Variants in PPP3CA observed in about 807,000 individuals in gnomAD.
PPP3CA encodes CAM-PRP catalytic subunit.
Under a neutral mutation model 66.5 loss-of-function variants are expected in PPP3CA, and 14 were observed. That is an observed-to-expected ratio of 0.21 (90% CI 0.14 to 0.33). PPP3CA has a LOEUF of 0.33. PPP3CA is among the 10% of genes least tolerant of loss of function. The pLI, the probability that PPP3CA is intolerant of heterozygous loss-of-function variation, is 1.00. For missense variants in PPP3CA, 317 were observed against 639.5 expected, an observed-to-expected ratio of 0.50 and a Z score of 5.44; for synonymous variants, 232 against 226.2, an observed-to-expected ratio of 1.03 and a Z score of -0.23.
At chr4:101,330,424 A>G (rs1380706563) in intron 1 of PPP3CA, 2 of 533,720 alleles carry the variant, frequency 3.7e-6, no homozygotes, top group Admixed American at 3.9e-5. Context: ...TACTACATAC[A>G]TTTAGCTGAT....
At chr4:101,081,375 C>A (rs1729432126) in intron 7 of PPP3CA, among the ~76,000 whole-genome samples, 1 of 152,066 alleles carries the variant, frequency 6.6e-6, no homozygotes. Context: ...AATATTTAAT[C>A]AATCAGTAAT....
intron 1 of PPP3CA, among the ~76,000 whole-genome samples, chr4:101,210,715 A>C (rs1015664126): frequency 6.6e-6 from 1 of 152,176 alleles, no homozygotes; most frequent in African/African-American, 2.4e-5. Flanking sequence ...GATTACCAAA[A>C]TACAGCATTC....
At chr4:101,288,066 T>C (rs1276606752) in intron 1 of PPP3CA, among the ~76,000 whole-genome samples, 3 of 152,034 alleles carry the variant, frequency 2.0e-5, no homozygotes, top group East Asian at 1.9e-4. Context: ...GAATCTGATA[T>C]AAAAATAGGA....
At chr4:101,279,396 A>G (rs1727610629) in intron 1 of PPP3CA, among the ~76,000 whole-genome samples, 1 of 152,158 alleles carries the variant, frequency 6.6e-6, no homozygotes, top group Admixed American at 6.5e-5. Flanking sequence ...GAGGTCCTAG[A>G]GAGTTAGAAG....
chr4:101,217,148 G>A (rs938083234), intron 1 of PPP3CA, among the ~76,000 whole-genome samples: 2 of 152,118 alleles, frequency 1.3e-5, no homozygotes, highest in African/African-American at 4.8e-5. Flanking sequence ...GACATTGTCT[G>A]TGGATTTCAT....
At chr4:101,079,434 A>C (rs1433859973) in intron 8 of PPP3CA, among the ~76,000 whole-genome samples, 1 of 148,496 alleles carries the variant, frequency 6.7e-6, no homozygotes, top group East Asian at 2.0e-4. Flanking sequence ...GCTGGAGTAC[A>C]GTGGTGCGAG....
chr4:101,321,457 C>T (rs769282143), intron 1 of PPP3CA, among the ~76,000 whole-genome samples: 5 of 152,192 alleles, frequency 3.3e-5, no homozygotes, highest in Non-Finnish European at 7.3e-5. Flanking sequence ...AATCCTTGCC[C>T]TCAAGGCTTA....
At chr4:101,342,288 G>A (rs1729842308) in intron 1 of PPP3CA, among the ~76,000 whole-genome samples, 2 of 152,090 alleles carry the variant, frequency 1.3e-5, no homozygotes, top group African/African-American at 2.4e-5. Flanking sequence ...TCTTCAAAAT[G>A]TTGATTATTC....
chr4:101,303,633 A>C (rs897020981), intron 1 of PPP3CA, among the ~76,000 whole-genome samples: 1 of 152,202 alleles, frequency 6.6e-6, no homozygotes, highest in Non-Finnish European at 1.5e-5. Context: ...TTATATTCAC[A>C]ATGTACAGGT....
At chr4:101,227,455 G>A (rs1725819085) in intron 1 of PPP3CA, among the ~76,000 whole-genome samples, 1 of 151,796 alleles carries the variant, frequency 6.6e-6, no homozygotes, top group Non-Finnish European at 1.5e-5. Flanking sequence ...CTGGCACATA[G>A]AAGGCCATTC....
At chr4:101,197,374 G>C (rs1232418939) in intron 1 of PPP3CA, among the ~76,000 whole-genome samples, 1 of 152,214 alleles carries the variant, frequency 6.6e-6, no homozygotes, top group Non-Finnish European at 1.5e-5. Flanking sequence ...ATGCAAGCAT[G>C]ATTTTCTGGA....
intron 10 of PPP3CA, among the ~76,000 whole-genome samples, chr4:101,041,968 G>T (rs1183571158): frequency 6.6e-6 from 1 of 152,056 alleles, no homozygotes; most frequent in Non-Finnish European, 1.5e-5. Flanking sequence ...ATGTGTTTTG[G>T]TCTTTTATTA....
intron 1 of PPP3CA, among the ~76,000 whole-genome samples, chr4:101,267,462 A>C (rs910512523): frequency 1.3e-5 from 2 of 152,180 alleles, no homozygotes; most frequent in Non-Finnish European, 2.9e-5. Context: ...GTGAAAGACA[A>C]CCAAGTAATC....
At chr4:101,099,112 T>C (rs538774154) in intron 4 of PPP3CA, among the ~76,000 whole-genome samples, 4 of 152,250 alleles carry the variant, frequency 2.6e-5, no homozygotes, top group East Asian at 1.9e-4. Flanking sequence ...TTTGTAAGAT[T>C]CAGTGAATAA....
intron 1 of PPP3CA, among the ~76,000 whole-genome samples, chr4:101,346,183 CAGGGGGAGGGGG>C (rs1254116194): frequency 1.3e-5 from 2 of 151,834 alleles, no homozygotes; most frequent in Admixed American, 6.5e-5. Context: ...CAGGCCCTTC[CAGGGGGAGGGGG>C]AGGGGGAGGG....
chr4:101,109,037 G>C lies in PPP3CA; in HGVS notation c.301C>G (p.Leu101Val). The C allele has an allele frequency of 6.2e-7, 1 of 1,613,330 alleles. No homozygotes were observed. The highest frequency in any genetic ancestry group is 8.5e-7 in the Non-Finnish European group (1 of 1,179,482). ...IHGQFFDLMK[L>V]FEVGGSPANT... is the part of the protein sequence containing the mutation. Reference sequence around the variant, plus strand: ...GCAGGAGATCCCCCGACTTCAAAGAGCTTCATCAAATCAAAGAATTGTCCA... The same window carrying C: ...GCAGGAGATCCCCCGACTTCAAAGACCTTCATCAAATCAAAGAATTGTCCA... Residue 101 changes from leucine to valine, a missense_variant, in exon 3 of 14, where the codon CTC (leucine) becomes GTC (valine). Around this residue, in one of 3 missense-constraint regions of PPP3CA, gnomAD observed 201 missense variants for 501.4 expected, o/e 0.40. Coordinates refer to ENST00000394854, the MANE Select transcript of PPP3CA (RefSeq NM_000944.5).
chr4:101,332,132 T>C (rs1684156039), intron 1 of PPP3CA, among the ~76,000 whole-genome samples: 2 of 152,130 alleles, frequency 1.3e-5, no homozygotes, highest in East Asian at 1.9e-4. Flanking sequence ...TCACCAAGCA[T>C]AGGAAACACA....
chr4:101,039,059 T>C (rs923211465), intron 11 of PPP3CA, among the ~76,000 whole-genome samples: 9 of 106,534 alleles, frequency 8.4e-5, no homozygotes, highest in African/African-American at 2.9e-4. Flanking sequence ...TAAACAAGTG[T>C]TTACTCAGAA....
At position 101,195,993 on chromosome 4, in the gene PPP3CA, G is replaced by C; in HGVS notation, c.182C>G (p.Ala61Gly). ...TGCACCCTCTGTTATTATTCTCAAT[G>C]CAACACTCTCTTCCAGCCTTCCCTC... ...MKEGRLEESVALRIITEGASI... is the reference protein window; with the variant it reads ...MKEGRLEESVGLRIITEGASI... Residue 61 changes from alanine (A) to glycine (G), a missense_variant, in exon 2 of 14, where the codon GCA (alanine) becomes GGA (glycine). This residue lies in a region of PPP3CA where 76 missense variants were observed against 99.5 expected (regional missense o/e 0.76). Transcript: ENST00000394854. The C allele has an allele frequency of 6.2e-7, 1 of 1,613,996 alleles. No individual in the cohort carries two copies. The highest frequency in any genetic ancestry group is 8.5e-7 in the Non-Finnish European group (1 of 1,179,972).
Sources: gnomAD v4.1 joint callset for allele counts (sites outside exome capture counted in the v4.1 genomes callset) on GRCh38, gnomAD v4.1.1 for gene constraint, gnomAD v4.1.1 regional missense constraint, MANE v1.5 for transcripts, NCBI Gene and HGNC (gene_info 2026-07-23, HGNC 2026-07-21) for gene names.